Variants in SCAF4 observed in about 807,000 individuals in gnomAD.
The protein encoded by SCAF4 is SR-related and CTD-associated factor 4.
A neutral mutation model predicts 129.8 loss-of-function variants in SCAF4; 25 were observed. The ratio of observed to expected loss-of-function variants is 0.19; its 90% CI spans 0.14 to 0.27. The LOEUF (loss-of-function observed/expected upper bound fraction) is 0.27. Among genes scored for constraint, SCAF4 ranks in the 10% least tolerant of loss-of-function variants. The pLI is 1.00. For missense variants in SCAF4, 1,246 were observed against 1,457.1 expected (o/e 0.86, Z 2.36); for synonymous variants, 551 against 497.7 (o/e 1.11, Z -1.43).
chr21:31,689,405 C>T (rs1280360345), intron 15 of SCAF4, among the ~76,000 whole-genome samples: 2 of 151,500 alleles, frequency 1.3e-5, no homozygotes, highest in Admixed American at 1.3e-4. Flanking sequence ...TCCAGTGATT[C>T]TCCAGCCTCA....
chr21:31,697,662 A>C (rs2050421706), intron 7 of SCAF4, among the ~76,000 whole-genome samples: 1 of 152,224 alleles, frequency 6.6e-6, no homozygotes, highest in African/African-American at 2.4e-5. Context: ...CTTCAACCTT[A>C]AATTCCTGAA....
At position 31,690,924 on chromosome 21, in the gene SCAF4, C is replaced by T. The variant is rs775209963; in HGVS notation, c.1758G>A (p.Lys586=). 1.9e-6 allele frequency: 3 copies of T among 1,611,662 alleles called. No homozygotes were observed. The highest frequency in any genetic ancestry group is 2.5e-6 in the Non-Finnish European group (3 of 1,179,018). ...CATCCCAATACTGCTTATAATCTGC[C>T]TTTATTCCTTTGTTTAAGGCCCAGG... ...KIAWALNKGI[K]ADYKQYWDVE... Residue 586 remains lysine, a synonymous_variant, in exon 15 of 20, where the codon AAG becomes AAA. Coordinates refer to ENST00000286835, the MANE Select transcript of SCAF4 (RefSeq NM_020706.2).
intron 19 of SCAF4, among the ~76,000 whole-genome samples, chr21:31,678,204 T>C (rs1485894267): frequency 6.6e-6 from 1 of 152,148 alleles, no homozygotes; most frequent in African/African-American, 2.4e-5. Flanking sequence ...TATCCAACAT[T>C]TTAATTTGAT....
Position 31,730,707 on chromosome 21 carries a change from G to A in SCAF4, c.30+956C>T, listed in dbSNP as rs193105334. Among the ~76,000 whole-genome samples, 8 of 152,282 alleles carry A rather than the reference G, an allele frequency of 5.3e-5. No individual in the cohort carries two copies. In the East Asian group the frequency reaches 1.5e-3, roughly 29 times the overall value. On this transcript the variant is annotated intron_variant, in intron 1 of 19. Coordinates refer to ENST00000286835, the MANE Select transcript of SCAF4 (RefSeq NM_020706.2). ...GTAACTGCATTTTAAATCATCAATGGTCAAGTCTCCTCCTCCCAAATCGAT... is the reference window on the plus strand; with the variant it reads ...GTAACTGCATTTTAAATCATCAATGATCAAGTCTCCTCCTCCCAAATCGAT...
At chr21:31,695,990 G>T in intron 9 of SCAF4, 123 bp downstream of exon 9, 2 of 564,076 alleles carry the variant, frequency 3.5e-6, no homozygotes, top group Non-Finnish European at 3.0e-6. Context: ...GTGTTCAACA[G>T]CTTTTATCAG....
chr21:31,719,931 T>C (rs1286764834), intron 1 of SCAF4, among the ~76,000 whole-genome samples: 4 of 152,252 alleles, frequency 2.6e-5, no homozygotes, highest in African/African-American at 9.6e-5. Flanking sequence ...TTCCAGCTTA[T>C]CACATTAGGT....
chr21:31,693,336 G>T lies in SCAF4; in HGVS notation c.1471C>A (p.Arg491=). 6.6e-7 allele frequency: 1 copy of T among 1,523,394 alleles called. No homozygotes were observed. The highest frequency in any genetic ancestry group is 1.2e-5 in the South Asian group (1 of 81,222). The allele number at this position is 1,523,394 out of a possible 1,614,324, so 94.4% of individuals were successfully genotyped here. The change falls in exon 12 of 20, where the codon CGA becomes AGA. Residue 491 remains arginine (R), a synonymous_variant. Coordinates refer to ENST00000286835, the MANE Select transcript of SCAF4 (RefSeq NM_020706.2). The part of the protein sequence containing the change: ...RRDREKERER[R]QKGLPQVKPE... ...TTCACTTGAGGGAGGCCTTTTTGTC[G>T]ACGTTCTCTCTCTTTTTCTCGATCC...
chr21:31,703,755 T>C lies in SCAF4; in HGVS notation c.321+10A>G, dbSNP rs772971918. On this transcript the variant is annotated intron_variant, in intron 4 of 19. Coordinates refer to ENST00000286835, the MANE Select transcript of SCAF4 (RefSeq NM_020706.2). ...AAGAATACAAGTTTTAGTTTAAAAA[T>C]TAATTATACCTTATCTTCAGATGGA... The C allele has an allele frequency of 2.2e-6, 3 of 1,382,104 alleles. No homozygotes were observed. The highest frequency in any genetic ancestry group is 3.7e-5 in the Admixed American group (2 of 54,600). 85.6% of individuals were successfully genotyped at this position (1,382,104 alleles called of 1,614,324 possible).
chr21:31,684,811 A>G, intron 19 of SCAF4: 1 of 518,440 alleles, frequency 1.9e-6, no homozygotes, highest in Non-Finnish European at 3.5e-6. Context: ...CAAGACAGAC[A>G]AACATGATTT....
At chr21:31,703,153 G>C (rs1039279573) in intron 4 of SCAF4, among the ~76,000 whole-genome samples, 2 of 151,662 alleles carry the variant, frequency 1.3e-5, no homozygotes, top group Non-Finnish European at 2.9e-5. Flanking sequence ...ATATGTTGGG[G>C]AAGAACATCT....
intron 1 of SCAF4, among the ~76,000 whole-genome samples, chr21:31,717,900 T>TACAC (rs1227041267): frequency 1.5e-4 from 12 of 78,592 alleles, no homozygotes; most frequent in African/African-American, 2.7e-4. Context: ...TATATACACA[T>TACAC]ATATACACAC....
Position 31,685,414 on chromosome 21 carries a change from T to G in SCAF4, c.2280A>C (p.Pro760=), listed in dbSNP as rs372893172. The part of the protein sequence containing the change: ...PVSIPPPHTP[P]ISIPNSTIAG... ...CATGCTTACAGTTTGGGATGCTTATTGGTGGAGTGTGAGGAGGAGGAATGG... is the reference window on the plus strand; with the variant it reads ...CATGCTTACAGTTTGGGATGCTTATGGGTGGAGTGTGAGGAGGAGGAATGG... Residue 760 remains proline (P), a synonymous_variant, in exon 18 of 20, where the codon CCA becomes CCC. Coordinates refer to ENST00000286835, the MANE Select transcript of SCAF4 (RefSeq NM_020706.2). 3 of 1,611,900 alleles carry G rather than the reference T, an allele frequency of 1.9e-6. No individual in the cohort carries two copies. Among genetic ancestry groups the G allele is most frequent in the Non-Finnish European group, 2.5e-6 (3 of 1,178,978 alleles).
chr21:31,671,401 A>T lies in SCAF4; in HGVS notation c.3442T>A (p.Ter1148LysextTer8), dbSNP rs747497701. ...DSGSAAEAPR[*>K] ...CACATTTTCACAAATTCCAGTCTCT[A>T]ACGAGGAGCCTCTGCTGCTGAGCCA... The change falls in exon 20 of 20, where the codon TAG becomes AAG. Residue 1148 changes from the stop codon to lysine, a stop_lost. Transcript: ENST00000286835. 3 of 1,612,788 alleles carry T rather than the reference A, an allele frequency of 1.9e-6. No individual in the cohort carries two copies. The highest frequency in any genetic ancestry group is 2.7e-5 in the African/African-American group (2 of 74,876).
intron 4 of SCAF4, among the ~76,000 whole-genome samples, chr21:31,703,162 C>A (rs1471337379): frequency 6.7e-6 from 1 of 150,362 alleles, no homozygotes; most frequent in Non-Finnish European, 1.5e-5. Context: ...GGAAGAACAT[C>A]TATTATTGGC....
intron 1 of SCAF4, among the ~76,000 whole-genome samples, chr21:31,717,890 T>TACACACAC (rs1465281491): frequency 9.6e-6 from 1 of 104,672 alleles, no homozygotes; most frequent in African/African-American, 4.2e-5. Context: ...TATATACACA[T>TACACACAC]ATATACACAT....
At chr21:31,694,707 G>GT (rs2050342098) in intron 10 of SCAF4, 106 bp downstream of exon 10, 4 of 1,111,842 alleles carry the variant, frequency 3.6e-6, no homozygotes, top group Non-Finnish European at 5.3e-6. Flanking sequence ...ATGTACCCAG[G>GT]TCTTTCTTCA....
In SCAF4 at chr21:31,732,116, C is replaced by T. The variant is rs1485695513; in HGVS notation, c.-424G>A. On this transcript the variant is annotated 5_prime_UTR_variant, in exon 1 of 20. Transcript: ENST00000286835. ...CCCGAGTCCACGCCGCGCGGGGCAC[C>T]CTGGGACGGCTCAGGCCTCCCGGCG... is the stretch of plus-strand genomic sequence containing the variant. 5.0e-6 allele frequency: 2 copies of T among 397,968 alleles called. No individual in the cohort carries two copies. The highest frequency in any genetic ancestry group is 2.1e-5 in the African/African-American group (1 of 47,924). The allele number at this position is 397,968 out of a possible 1,614,324, so 24.7% of individuals were successfully genotyped here. A position where few individuals can be genotyped will look rare whatever the true frequency, so the allele number is the denominator to read the frequency against.
chr21:31,710,556 A>G (rs1284304803), intron 1 of SCAF4, among the ~76,000 whole-genome samples: 1 of 152,188 alleles, frequency 6.6e-6, no homozygotes, highest in East Asian at 1.9e-4. Context: ...CTCCAAAAAC[A>G]AAAAACAAAC....
chr21:31,688,818 T>C (rs754967002), intron 15 of SCAF4, among the ~76,000 whole-genome samples: 2 of 152,254 alleles, frequency 1.3e-5, no homozygotes, highest in Non-Finnish European at 2.9e-5. Context: ...TCAGACACAT[T>C]TGGTTCTAGA....
Sources: gnomAD v4.1 joint callset for allele counts (sites outside exome capture counted in the v4.1 genomes callset) on GRCh38, gnomAD v4.1.1 for gene constraint, MANE v1.5 for transcripts, NCBI Gene and HGNC (gene_info 2026-07-23, HGNC 2026-07-21) for gene names.